Variants in CNTN6 observed in about 807,000 individuals in gnomAD.
The protein encoded by CNTN6 is contactin-6.
Under a neutral mutation model 122.8 loss-of-function variants are expected in CNTN6, and 137 were observed. The observed-to-expected ratio is 1.12, with a 90% CI of 0.97 to 1.29. CNTN6 has a LOEUF of 1.29. CNTN6 is among the 50% of genes most tolerant of loss of function. The pLI, the probability that CNTN6 is intolerant of heterozygous loss-of-function variation, is 0.00. For synonymous variants in CNTN6, 570 were observed against 426.0 expected, an observed-to-expected ratio of 1.34 and a Z score of -4.16; for missense variants, 1,634 against 1,223.4, an observed-to-expected ratio of 1.34 and a Z score of -5.01.
chr3:1,099,471 T>G (rs1206800743), intron 1 of CNTN6, among the ~76,000 whole-genome samples: 4 of 150,212 alleles, frequency 2.7e-5, no homozygotes, highest in Non-Finnish European at 5.9e-5. Flanking sequence ...TTAATTAATT[T>G]AAATAAATAA....
intron 4 of CNTN6, among the ~76,000 whole-genome samples, chr3:1,261,746 C>T (rs944553582): frequency 6.6e-5 from 10 of 152,070 alleles, no homozygotes; most frequent in African/African-American, 2.4e-4. Context: ...AACTATAACA[C>T]TTTTGGTTTC....
rs1575727222 is a variant in CNTN6, at chr3:1,329,640, T to C, written c.1214-145T>C. On this transcript the variant is annotated intron_variant, in intron 10 of 22. Coordinates refer to ENST00000446702, the MANE Select transcript of CNTN6 (RefSeq NM_001289080.2). ...AACTCTAAAATGTTAAGTCAGTATT[T>C]GGTCCAAGAACACCTTGAGCAAAGT... The C allele has an allele frequency of 1.4e-5, 8 of 571,438 alleles. No homozygotes were observed. In the East Asian group the frequency reaches 2.4e-4, roughly 17 times the overall value. The allele number at this position is 571,438 out of a possible 1,614,324, so 35.4% of individuals were successfully genotyped here. A position where few individuals can be genotyped will look rare whatever the true frequency, so the allele number is the denominator to read the frequency against.
intron 4 of CNTN6, among the ~76,000 whole-genome samples, chr3:1,250,030 T>C (rs1012670780): frequency 3.3e-5 from 5 of 152,174 alleles, no homozygotes; most frequent in African/African-American, 7.2e-5. Flanking sequence ...AGGTGTAAAA[T>C]GTAGCTGATT....
At chr3:1,192,436 C>T (rs1221169935) in intron 2 of CNTN6, among the ~76,000 whole-genome samples, 2 of 152,074 alleles carry the variant, frequency 1.3e-5, no homozygotes, top group East Asian at 3.9e-4. Context: ...TTGCAGGAAA[C>T]TGGAGCCCAC....
At chr3:1,108,540 T>C (rs2091334739) in intron 1 of CNTN6, among the ~76,000 whole-genome samples, 1 of 152,048 alleles carries the variant, frequency 6.6e-6, no homozygotes, top group African/African-American at 2.4e-5. Flanking sequence ...TTTCAGATTT[T>C]GGATATTGAG....
intron 20 of CNTN6, among the ~76,000 whole-genome samples, chr3:1,388,341 A>G (rs1478065140): frequency 6.8e-6 from 1 of 146,930 alleles, no homozygotes; most frequent in East Asian, 2.0e-4. Context: ...ACAGACCTGA[A>G]GCTGAGGGTC....
intron 2 of CNTN6, among the ~76,000 whole-genome samples, chr3:1,150,159 T>A (rs2092808958): frequency 6.6e-6 from 1 of 152,174 alleles, no homozygotes; most frequent in Admixed American, 6.5e-5. Flanking sequence ...CTGCTTTAAA[T>A]CTGTTTGTTT....
chr3:1,249,567 A>T (rs2125657865), intron 4 of CNTN6, among the ~76,000 whole-genome samples: 1 of 152,330 alleles, frequency 6.6e-6, no homozygotes, highest in African/African-American at 2.4e-5. Context: ...AATGCAAATA[A>T]GGAAGAGTCT....
Position 1,239,093 on chromosome 3 carries a change from G to A in CNTN6, c.358+11100G>A, listed in dbSNP as rs550897155. ...CAACTCTCCTAGATTAAACCAGTAA[G>A]ATATAGAACTGGAACAAGATAGGGA... On this transcript the variant is annotated intron_variant, in intron 4 of 22. Transcript: ENST00000446702. Among the ~76,000 whole-genome samples the A allele has an allele frequency of 1.9e-3, 287 of 152,184 alleles. 1 individual carries two copies. Among genetic ancestry groups the A allele is most frequent in the African/African-American group, 6.3e-3 (263 of 41,540 alleles).
At chr3:1,337,132 C>T (rs971816894) in intron 11 of CNTN6, among the ~76,000 whole-genome samples, 13 of 152,038 alleles carry the variant, frequency 8.6e-5, no homozygotes, top group African/African-American at 3.1e-4. Flanking sequence ...ATTAGTTTGT[C>T]TTTATTCTTC....
At chr3:1,329,553 A>G (rs1005692265) in intron 10 of CNTN6, among the ~76,000 whole-genome samples, 2 of 151,792 alleles carry the variant, frequency 1.3e-5, no homozygotes, top group African/African-American at 2.4e-5. Context: ...ACATCATTTA[A>G]TCTCCACACT....
chr3:1,331,620 G>GA (rs1369689610), intron 11 of CNTN6, among the ~76,000 whole-genome samples: 1 of 151,890 alleles, frequency 6.6e-6, no homozygotes, highest in East Asian at 1.9e-4. Context: ...CTGTGGAACA[G>GA]AAAAACATAA....
At chr3:1,167,263 GA>G (rs919282534) in intron 2 of CNTN6, among the ~76,000 whole-genome samples, 4 of 152,124 alleles carry the variant, frequency 2.6e-5, no homozygotes, top group Non-Finnish European at 5.9e-5. Context: ...CATGACAAAT[GA>G]TACACATTCA....
intron 3 of CNTN6, among the ~76,000 whole-genome samples, 174 bp downstream of exon 3, chr3:1,220,987 G>A (rs1443748704): frequency 1.3e-5 from 2 of 152,146 alleles, no homozygotes; most frequent in African/African-American, 4.8e-5. Flanking sequence ...GGCATTTCCA[G>A]TACCCCAGGG....
chr3:1,383,606 G>C (rs182322660), intron 19 of CNTN6, among the ~76,000 whole-genome samples, 198 bp downstream of exon 19: 8 of 152,046 alleles, frequency 5.3e-5, no homozygotes, highest in African/African-American at 1.9e-4. Context: ...TCTTGTCCTC[G>C]CTCAAGACAG....
intron 17 of CNTN6, among the ~76,000 whole-genome samples, chr3:1,378,615 C>G (rs936265061): frequency 1.3e-5 from 2 of 151,998 alleles, no homozygotes; most frequent in Admixed American, 6.6e-5. Flanking sequence ...AGGGGGAAAC[C>G]CTATTTTTTC....
rs151017157 is a variant in CNTN6, at chr3:1,156,961, C to G, written c.55+8898C>G. Among the ~76,000 whole-genome samples, 317 of 152,076 alleles carry G rather than the reference C, an allele frequency of 2.1e-3. 1 individual carries two copies. Among genetic ancestry groups the G allele is most frequent in the African/African-American group, 7.2e-3 (299 of 41,542 alleles). On this transcript the variant is annotated intron_variant, in intron 2 of 22. Transcript: ENST00000446702. ...TGACTTCTTGGCCCAAGCAATCCTC[C>G]TACCTTGGCCTCCCAAAGTGCTGGG...
intron 4 of CNTN6, among the ~76,000 whole-genome samples, chr3:1,256,241 A>G (rs1237937671): frequency 6.6e-6 from 1 of 152,132 alleles, no homozygotes; most frequent in African/African-American, 2.4e-5. Context: ...ATAATTTTCT[A>G]AGTTATGAAA....
At chr3:1,122,768 G>A (rs184963381) in intron 1 of CNTN6, among the ~76,000 whole-genome samples, 19 of 151,890 alleles carry the variant, frequency 1.3e-4, no homozygotes, top group Admixed American at 2.0e-4. Context: ...ACGTTTCGGC[G>A]TGTGTCAGAA....
Sources: allele counts gnomAD v4.1 joint callset (sites outside exome capture counted in the v4.1 genomes callset), GRCh38; gene constraint gnomAD v4.1.1; transcripts MANE v1.5; gene names NCBI Gene and HGNC (gene_info 2026-07-23, HGNC 2026-07-21).